UBE2U: variants seen among roughly 807,000 people sequenced by gnomAD.
The protein encoded by UBE2U is ubiquitin-conjugating enzyme E2 U.
A neutral mutation model predicts 41.2 loss-of-function variants in UBE2U; 39 were observed. That is an observed-to-expected ratio of 0.95 (90% CI 0.73 to 1.24). UBE2U has a LOEUF of 1.24. Among genes scored for constraint, UBE2U ranks in the 50% most tolerant of loss-of-function variants. The probability of loss-of-function intolerance (pLI) is 0.00; values close to 1 mark genes in which losing one functional copy is unlikely to be tolerated. For missense variants in UBE2U, 336 were observed against 363.1 expected, an observed-to-expected ratio of 0.93 and a Z score of 0.61; for synonymous variants, 107 against 117.8, an observed-to-expected ratio of 0.91 and a Z score of 0.60.
Position 64,206,837 on chromosome 1 carries a change from A to C in UBE2U, c.222A>C (p.Thr74=), listed in dbSNP as rs1296110515. The C allele has an allele frequency of 1.9e-6, 3 of 1,599,096 alleles. No homozygotes were observed. The highest frequency in any genetic ancestry group is 2.2e-5 in the East Asian group (1 of 44,740). Reference sequence around the variant, plus strand: ...CTCCTCCAGTTGTGAAATTTATAACAATTCCGTTTCATCCAAATGGTAAGA... The same window carrying C: ...CTCCTCCAGTTGTGAAATTTATAACCATTCCGTTTCATCCAAATGGTAAGA... The part of the protein sequence containing the change: ...NYAPPVVKFI[T]IPFHPNVDPH... The change falls in exon 3 of 10, where the codon ACA becomes ACC. Residue 74 remains threonine, a synonymous_variant. Transcript: ENST00000371077.
intron 8 of UBE2U, among the ~76,000 whole-genome samples, chr1:64,245,938 A>G (rs1478434680): frequency 6.6e-6 from 1 of 152,204 alleles, no homozygotes; most frequent in Non-Finnish European, 1.5e-5. Flanking sequence ...ACTGATAAAC[A>G]TAAATTTTAT....
chr1:64,239,157 A>AAAAGAAGAAAAGAAGAAGAAGAAG, intron 7 of UBE2U, among the ~76,000 whole-genome samples: 1 of 37,070 alleles, frequency 2.7e-5, no homozygotes, highest in South Asian at 1.4e-3. Flanking sequence ...GAAGAAGAAG[A>AAAAGAAGAAAAGAAGAAGAAGAAG]AAGAAGAAGA....
Position 64,260,705 on chromosome 1 carries a change from TC to T in UBE2U, c.769+12del. 1 of 1,543,108 alleles carries T rather than the reference TC, an allele frequency of 6.5e-7. No individual in the cohort carries two copies. Among genetic ancestry groups the T allele is most frequent in the East Asian group, 2.5e-5 (1 of 40,780 alleles). On this transcript the variant is annotated intron_variant, in intron 9 of 9. Coordinates refer to ENST00000371077, the MANE Select transcript of UBE2U (RefSeq NM_001366232.2). ...TCTGCCCAACTCTAAGTAAATCGATTCACTCTATTTGTTTTGCTTTTATAAA... is the reference window on the plus strand; with the variant it reads ...TCTGCCCAACTCTAAGTAAATCGATTACTCTATTTGTTTTGCTTTTATAAA...
At chr1:64,246,448 A>G (rs1644921857) in intron 8 of UBE2U, among the ~76,000 whole-genome samples, 1 of 152,182 alleles carries the variant, frequency 6.6e-6, no homozygotes, top group Non-Finnish European at 1.5e-5. Context: ...GTTTTTTATA[A>G]GTTTACTTAA....
At chr1:64,220,954 A>T (rs372398632) in intron 6 of UBE2U, 47 bp downstream of exon 6, 1 of 1,329,292 alleles carries the variant, frequency 7.5e-7, no homozygotes. Flanking sequence ...TACCAAAAGG[A>T]CTATTTATTT....
At chr1:64,216,943 T>A (rs1276331677) in intron 5 of UBE2U, among the ~76,000 whole-genome samples, 3 of 152,196 alleles carry the variant, frequency 2.0e-5, no homozygotes, top group Non-Finnish European at 2.9e-5. Flanking sequence ...AGTCCTGGTA[T>A]AATTATTCCC....
intron 9 of UBE2U, among the ~76,000 whole-genome samples, chr1:64,262,701 T>G (rs766434943): frequency 6.6e-6 from 1 of 152,186 alleles, no homozygotes; most frequent in Non-Finnish European, 1.5e-5. Context: ...CATAATCATG[T>G]GAGTGAGACC....
At chr1:64,227,662 A>G (rs1652968601) in intron 6 of UBE2U, among the ~76,000 whole-genome samples, 1 of 152,006 alleles carries the variant, frequency 6.6e-6, no homozygotes, top group South Asian at 2.1e-4. Context: ...TTAGCCGGGC[A>G]TGGGTGGCAC....
In UBE2U at chr1:64,267,258, C is replaced by A. The variant is rs906441506; in HGVS notation, c.*50C>A. ...ATAAACAGCCTCCGCCATAGCCCAG[C>A]GTTGTGGAGCAATTTTGGAAGACTC... On this transcript the variant is annotated 3_prime_UTR_variant, in exon 10 of 10. Transcript: ENST00000371077. The A allele has an allele frequency of 7.2e-7, 1 of 1,379,640 alleles. No individual in the cohort carries two copies. 85.5% of individuals were successfully genotyped at this position (1,379,640 alleles called of 1,614,324 possible). A position where few individuals can be genotyped will look rare whatever the true frequency, so the allele number is the denominator to read the frequency against.
intron 8 of UBE2U, among the ~76,000 whole-genome samples, chr1:64,243,630 T>C (rs1367094622): frequency 6.6e-6 from 1 of 152,164 alleles, no homozygotes; most frequent in African/African-American, 2.4e-5. Context: ...TTGCATAGCA[T>C]TGAAGAAAAA....
rs2100223660 is a variant in UBE2U, at chr1:64,203,733, G to A, written c.-318G>A. 3.8e-6 allele frequency: 1 copy of A among 260,198 alleles called. No homozygotes were observed. The highest frequency in any genetic ancestry group is 1.6e-4 in the South Asian group (1 of 6,400). 16.1% of individuals were successfully genotyped at this position (260,198 alleles called of 1,614,324 possible). On this transcript the variant is annotated 5_prime_UTR_variant, in exon 1 of 10. Coordinates refer to ENST00000371077, the MANE Select transcript of UBE2U (RefSeq NM_001366232.2). ...CTCTCACTCCCACTCACGCGCCGAC[G>A]ACATGGGCTTGTCTCCGTTACTCAT...
chr1:64,215,191 A>G (rs1651919018), intron 5 of UBE2U, among the ~76,000 whole-genome samples: 1 of 152,056 alleles, frequency 6.6e-6, no homozygotes, highest in Admixed American at 6.6e-5. Context: ...AGATCATGCC[A>G]TTGCACTCTA....
chr1:64,216,979 C>T (rs1652067057), intron 5 of UBE2U, among the ~76,000 whole-genome samples: 3 of 152,188 alleles, frequency 2.0e-5, no homozygotes, highest in Non-Finnish European at 4.4e-5. Context: ...TTGCAGTGTA[C>T]CAGTTTGAAC....
chr1:64,219,312 T>C (rs904383264), intron 5 of UBE2U, among the ~76,000 whole-genome samples: 2 of 145,496 alleles, frequency 1.4e-5, no homozygotes, highest in Non-Finnish European at 3.1e-5. Context: ...TCACATGTGA[T>C]TTATTCTTTT....
chr1:64,257,451 G>T (rs2100533848), intron 8 of UBE2U, among the ~76,000 whole-genome samples: 1 of 152,314 alleles, frequency 6.6e-6, no homozygotes, highest in Middle Eastern at 3.4e-3. Flanking sequence ...ACGAGATCAT[G>T]TCCTTTGCAG....
chr1:64,215,077 C>G (rs1225926967), intron 5 of UBE2U, 145 bp downstream of exon 5: 1 of 562,820 alleles, frequency 1.8e-6, no homozygotes, highest in Non-Finnish European at 3.2e-6. Context: ...TACTAAAATA[C>G]AGAATTAGCT....
intron 6 of UBE2U, among the ~76,000 whole-genome samples, chr1:64,231,929 G>A (rs74081714): frequency 0.016 from 2,411 of 152,280 alleles, 64 homozygotes; most frequent in African/African-American, 0.054. Context: ...AAAATGCCTG[G>A]AAATGCAGTT....
intron 4 of UBE2U, among the ~76,000 whole-genome samples, chr1:64,214,114 T>G (rs991271943): frequency 6.6e-6 from 1 of 152,178 alleles, no homozygotes; most frequent in African/African-American, 2.4e-5. Flanking sequence ...AACTTCCATA[T>G]GGTTATAATC....
At chr1:64,207,081 G>A (rs1477995254) in intron 3 of UBE2U, among the ~76,000 whole-genome samples, 1 of 152,292 alleles carries the variant, frequency 6.6e-6, no homozygotes, top group African/African-American at 2.4e-5. Flanking sequence ...TTTTTTCTAA[G>A]TATGAATTTT....
Sources: allele counts gnomAD v4.1 joint callset (sites outside exome capture counted in the v4.1 genomes callset), GRCh38; gene constraint gnomAD v4.1.1; transcripts MANE v1.5; gene names NCBI Gene and HGNC (gene_info 2026-07-23, HGNC 2026-07-21).